Variants in KIAA1549 observed in about 807,000 individuals in gnomAD.
KIAA1549 encodes the protein KIAA1549.
In KIAA1549, 70 loss-of-function variants were observed where a neutral mutation model predicts 156.4. The observed-to-expected ratio is 0.45, with a 90% CI of 0.37 to 0.55. The LOEUF (loss-of-function observed/expected upper bound fraction) is 0.55, where lower values mean the gene tolerates loss of function less well. KIAA1549 is among the 20% of genes least tolerant of loss of function. The pLI is 0.00. For missense variants in KIAA1549, 2,428 were observed against 2,540.9 expected (o/e 0.96, Z 0.96); for synonymous variants, 1,103 against 1,066.4 (o/e 1.03, Z -0.67).
At chr7:138,900,293 C>G (rs1358457514) in intron 8 of KIAA1549, among the ~76,000 whole-genome samples, 3 of 152,164 alleles carry the variant, frequency 2.0e-5, no homozygotes, top group African/African-American at 7.2e-5. Context: ...ACAATCTGTT[C>G]TTTATGCTTC....
intron 1 of KIAA1549, among the ~76,000 whole-genome samples, chr7:138,945,370 T>A (rs371810544): frequency 6.6e-6 from 1 of 152,224 alleles, no homozygotes; most frequent in African/African-American, 2.4e-5. Flanking sequence ...CACCTCCTTA[T>A]TGATGCTCCA....
In KIAA1549 at chr7:138,832,412, TG is replaced by T. The variant is rs1334032885; in HGVS notation, c.*5493del. 5.3e-6 allele frequency: 1 copy of T among 190,398 alleles called. No homozygotes were observed. The highest frequency in any genetic ancestry group is 1.1e-5 in the Non-Finnish European group (1 of 90,952). 11.8% of individuals were successfully genotyped at this position (190,398 alleles called of 1,614,324 possible). A position where few individuals can be genotyped will look rare whatever the true frequency, so the allele number is the denominator to read the frequency against. ...CGGGGTCTCGTTATGTTGCCCAAGG[TG>T]GTCTCAAACTCCTGGCCTCAAGCGA... is the stretch of plus-strand genomic sequence containing the variant. On this transcript the variant is annotated 3_prime_UTR_variant, in exon 20 of 20. Transcript: ENST00000422774.
chr7:138,865,657 G>A (rs1810716989), intron 15 of KIAA1549, among the ~76,000 whole-genome samples: 1 of 152,184 alleles, frequency 6.6e-6, no homozygotes, highest in Non-Finnish European at 1.5e-5. Context: ...TCCAGGAAGA[G>A]GCTGCTCTGC....
At chr7:138,922,213 T>C (rs563345073) in intron 1 of KIAA1549, among the ~76,000 whole-genome samples, 1 of 152,360 alleles carries the variant, frequency 6.6e-6, no homozygotes, top group South Asian at 2.1e-4. Context: ...ACTACTTGTA[T>C]AGTCCTAACA....
At chr7:138,870,973 A>C (rs1180763158) in intron 13 of KIAA1549, among the ~76,000 whole-genome samples, 184 bp downstream of exon 13, 2 of 151,824 alleles carry the variant, frequency 1.3e-5, no homozygotes, top group East Asian at 3.9e-4. Flanking sequence ...ACCCGCCACC[A>C]CGCCCAGCTA....
In KIAA1549 at chr7:138,869,645, G is replaced by T. The variant is rs185850342; in HGVS notation, c.4668C>A (p.Gly1556=). 2.5e-6 allele frequency: 4 copies of T among 1,611,360 alleles called. No individual in the cohort carries two copies. The East Asian group carries it at 8.9e-5, about 36-fold the overall frequency. ...EFPVVDDLSS[G]DTKERHRVYR... ...ACACCCGGTGTCGCTCCTTAGTGTCGCCCGAGGACAGGTCGTCTACCACCG... is the reference window on the plus strand; with the variant it reads ...ACACCCGGTGTCGCTCCTTAGTGTCTCCCGAGGACAGGTCGTCTACCACCG... The change falls in exon 14 of 20, where the codon GGC becomes GGA. Residue 1556 remains glycine (G), a synonymous_variant. Transcript: ENST00000422774.
intron 13 of KIAA1549, among the ~76,000 whole-genome samples, chr7:138,870,820 T>G (rs894230051): frequency 5.9e-5 from 9 of 152,070 alleles, no homozygotes; most frequent in Non-Finnish European, 1.3e-4. Context: ...GTTTTTTTTG[T>G]TTTTGTTTTT....
At chr7:138,936,138 G>C (rs886875854) in intron 1 of KIAA1549, among the ~76,000 whole-genome samples, 1 of 152,134 alleles carries the variant, frequency 6.6e-6, no homozygotes, top group Non-Finnish European at 1.5e-5. Flanking sequence ...ACGGTGAAGG[G>C]AACAGAAAAG....
At chr7:138,904,301 T>C (rs1811946409) in intron 7 of KIAA1549, among the ~76,000 whole-genome samples, 1 of 152,230 alleles carries the variant, frequency 6.6e-6, no homozygotes, top group African/African-American at 2.4e-5. Flanking sequence ...TTAAGTTTTC[T>C]TTGAGATACA....
intron 10 of KIAA1549, among the ~76,000 whole-genome samples, chr7:138,885,612 C>T (rs527961684): frequency 1.3e-5 from 2 of 152,322 alleles, no homozygotes; most frequent in Admixed American, 6.5e-5. Context: ...GTAATCTGAC[C>T]GCCTTGGGCC....
intron 1 of KIAA1549, among the ~76,000 whole-genome samples, chr7:138,971,945 C>T (rs144091220): frequency 1.3e-5 from 2 of 152,160 alleles, no homozygotes; most frequent in Non-Finnish European, 2.9e-5. Flanking sequence ...GAGGAAGGGA[C>T]GTGACCTGTT....
Position 138,842,290 on chromosome 7 carries a change from C to T in KIAA1549, c.5453-2012G>A, listed in dbSNP as rs565833579. On this transcript the variant is annotated intron_variant, in intron 18 of 19. Transcript: ENST00000422774. ...TGAGTCAGCATTGAGCCCAGCAAGC[C>T]GGGGTTTGCATTCCAGCTCAGCCAT... 4.6e-5 allele frequency among the ~76,000 whole-genome samples: 7 copies of T among 152,198 alleles called. No homozygotes were observed. In the East Asian group the frequency reaches 5.8e-4, roughly 13 times the overall value.
intron 12 of KIAA1549, among the ~76,000 whole-genome samples, chr7:138,875,304 TTA>T (rs111328355): frequency 0.12 from 17,703 of 152,188 alleles, 1,319 homozygotes; most frequent in East Asian, 0.22. Context: ...CACCATAAAT[TTA>T]TATGTTTTCT....
At position 138,838,007 on chromosome 7, in the gene KIAA1549, G is replaced by A; in HGVS notation, c.5752C>T (p.Leu1918Phe). The change falls in exon 20 of 20, where the codon CTC becomes TTC. Residue 1918 changes from leucine (L) to phenylalanine (F), a missense_variant. Coordinates refer to ENST00000422774, the MANE Select transcript of KIAA1549 (RefSeq NM_001164665.2). ...LGYPTSSTED[L>F]QPGHSSASLI... is the part of the protein sequence containing the mutation. ...GAGGCCGAGGAGTGGCCAGGCTGGAGGTCTTCCGTGGAGCTGGTGGGGTAA... is the reference window on the plus strand; with the variant it reads ...GAGGCCGAGGAGTGGCCAGGCTGGAAGTCTTCCGTGGAGCTGGTGGGGTAA... The A allele has an allele frequency of 5.6e-6, 9 of 1,611,850 alleles. No individual in the cohort carries two copies. The highest frequency in any genetic ancestry group is 7.6e-6 in the Non-Finnish European group (9 of 1,179,182).
At position 138,835,142 on chromosome 7, in the gene KIAA1549, T is replaced by C. The variant is rs1006074907; in HGVS notation, c.*2764A>G. Reference sequence around the variant, plus strand: ...CCACACGCTGTCAACGCAAGGACCCTTCCTTTCAGTGGATGACGTGAACTT... The same window carrying C: ...CCACACGCTGTCAACGCAAGGACCCCTCCTTTCAGTGGATGACGTGAACTT... On this transcript the variant is annotated 3_prime_UTR_variant, in exon 20 of 20. Coordinates refer to ENST00000422774, the MANE Select transcript of KIAA1549 (RefSeq NM_001164665.2). The C allele has an allele frequency of 1.4e-5, 3 of 221,618 alleles. No individual in the cohort carries two copies. Among genetic ancestry groups the C allele is most frequent in the African/African-American group, 4.5e-5 (2 of 44,656 alleles). 13.7% of individuals were successfully genotyped at this position (221,618 alleles called of 1,614,324 possible). A position where few individuals can be genotyped will look rare whatever the true frequency, so the allele number is the denominator to read the frequency against.
chr7:138,945,506 C>T (rs1014606367), intron 1 of KIAA1549, among the ~76,000 whole-genome samples: 4 of 152,250 alleles, frequency 2.6e-5, no homozygotes, highest in African/African-American at 9.6e-5. Flanking sequence ...CTTGACCCCA[C>T]TAAGTACTTT....
rs756376255 is a variant in KIAA1549, at chr7:138,868,077, G to A, written c.4827C>T (p.Gly1609=). The A allele has an allele frequency of 1.1e-5, 17 of 1,613,768 alleles. No individual in the cohort carries two copies. The South Asian group carries it at 1.8e-4, about 17-fold the overall frequency. Residue 1609 remains glycine, a synonymous_variant, in exon 15 of 20, where the codon GGC becomes GGT. Coordinates refer to ENST00000422774, the MANE Select transcript of KIAA1549 (RefSeq NM_001164665.2). The part of the protein sequence containing the change: ...PKPRRKHQVN[G]CPADAEKDRL... ...GGTCCTTCTCAGCGTCGGCAGGACA[G>A]CCGTTGACCTGGTGTTTCCGGCGAG...
chr7:138,852,454 C>T (rs1261526179), intron 16 of KIAA1549, among the ~76,000 whole-genome samples, 185 bp from the exon 17 acceptor site: 1 of 152,226 alleles, frequency 6.6e-6, no homozygotes, highest in Non-Finnish European at 1.5e-5. Flanking sequence ...CGAGGACCTG[C>T]ACTACCAGAC....
intron 15 of KIAA1549, among the ~76,000 whole-genome samples, chr7:138,865,733 G>C (rs1264994759): frequency 6.6e-6 from 1 of 152,204 alleles, no homozygotes. Flanking sequence ...ATGCTGCAAA[G>C]CTACCGCAAA....
Sources: gnomAD v4.1 joint callset for allele counts (sites outside exome capture counted in the v4.1 genomes callset) on GRCh38, gnomAD v4.1.1 for gene constraint, MANE v1.5 for transcripts, NCBI Gene and HGNC (gene_info 2026-07-23, HGNC 2026-07-21) for gene names.